Variants in DAB1 observed in about 807,000 individuals in gnomAD.
The protein encoded by DAB1 is disabled homolog 1.
In DAB1, 15 loss-of-function variants were observed where a neutral mutation model predicts 64.6. That is an observed-to-expected ratio of 0.23 (90% CI 0.16 to 0.36). The LOEUF (loss-of-function observed/expected upper bound fraction) is 0.36, where lower values mean the gene tolerates loss of function less well. Ranked by LOEUF, DAB1 falls within the 10% of genes least tolerant of loss-of-function variation. DAB1 has a pLI of 1.00. For missense variants in DAB1, 596 were observed against 706.7 expected, an observed-to-expected ratio of 0.84 and a Z score of 1.78; for synonymous variants, 235 against 251.9, an observed-to-expected ratio of 0.93 and a Z score of 0.64.
intron 1 of DAB1, among the ~76,000 whole-genome samples, chr1:57,370,077 T>C (rs1363902940): frequency 2.0e-5 from 3 of 152,136 alleles, no homozygotes; most frequent in Admixed American, 2.0e-4. Flanking sequence ...GAACCTTCAC[T>C]GACAGTCCCC....
intron 9 of DAB1, among the ~76,000 whole-genome samples, chr1:57,040,925 C>T (rs1038943299): frequency 2.0e-5 from 3 of 152,190 alleles, no homozygotes; most frequent in Non-Finnish European, 2.9e-5. Flanking sequence ...GGGAACTTCT[C>T]AGAGTCAGTC....
chr1:57,640,613 C>G (rs1646116924), intron 7 of DAB1, among the ~76,000 whole-genome samples: 1 of 152,126 alleles, frequency 6.6e-6, no homozygotes, highest in African/African-American at 2.4e-5. Context: ...TTCCCTTGTT[C>G]TAATCAATCC....
At chr1:57,140,270 GT>G (rs1215960348) in intron 3 of DAB1, among the ~76,000 whole-genome samples, 6 of 152,142 alleles carry the variant, frequency 3.9e-5, no homozygotes, top group Non-Finnish European at 8.8e-5. Context: ...TATGCTAGAG[GT>G]TCTCTTACCC....
chr1:58,061,568 C>T (rs1648506441), intron 5 of DAB1, among the ~76,000 whole-genome samples: 1 of 152,140 alleles, frequency 6.6e-6, no homozygotes. Context: ...TAGAACCACC[C>T]CCCAACAATG....
At chr1:58,000,757 G>T (rs1052923487) in intron 5 of DAB1, among the ~76,000 whole-genome samples, 3 of 151,674 alleles carry the variant, frequency 2.0e-5, no homozygotes, top group Non-Finnish European at 4.4e-5. Context: ...TTTTAGTAGG[G>T]TCGGGGTTTC....
intron 4 of DAB1, among the ~76,000 whole-genome samples, chr1:58,317,563 GC>G (rs1319383988): frequency 6.6e-6 from 1 of 152,332 alleles, no homozygotes; most frequent in Middle Eastern, 3.4e-3. Flanking sequence ...GAACATTGGT[GC>G]CCCCCTGGCT....
At chr1:58,464,537 T>A (rs943732415) in intron 3 of DAB1, among the ~76,000 whole-genome samples, 1 of 152,232 alleles carries the variant, frequency 6.6e-6, no homozygotes, top group Non-Finnish European at 1.5e-5. Flanking sequence ...GACTTGTGTT[T>A]AAGCCTGAAC....
chr1:57,133,946 C>T (rs1657851702), intron 4 of DAB1, among the ~76,000 whole-genome samples: 1 of 152,122 alleles, frequency 6.6e-6, no homozygotes, highest in Admixed American at 6.6e-5. Context: ...TCATAATTTC[C>T]AGTAGAGATT....
chr1:58,050,370 T>C (rs1647560545), intron 5 of DAB1, among the ~76,000 whole-genome samples: 1 of 152,046 alleles, frequency 6.6e-6, no homozygotes, highest in Non-Finnish European at 1.5e-5. Flanking sequence ...TCAGTTATGG[T>C]GGGGAGAACA....
intron 8 of DAB1, 152 bp from the exon 9 acceptor site, chr1:57,063,095 A>G (rs1359595658): frequency 1.5e-6 from 1 of 662,868 alleles, no homozygotes; most frequent in South Asian, 1.9e-5. Flanking sequence ...TTGTGAAAGT[A>G]TCAAGCCAGG....
At chr1:57,353,595 T>G (rs11590708) in intron 1 of DAB1, among the ~76,000 whole-genome samples, 76,014 of 152,052 alleles carry the variant, frequency 0.5, 19,730 homozygotes, top group African/African-American at 0.55. Context: ...AGCATTCACT[T>G]CTATCTCATT....
intron 7 of DAB1, among the ~76,000 whole-genome samples, chr1:57,611,220 A>G (rs570046931): frequency 6.9e-6 from 1 of 145,938 alleles, no homozygotes; most frequent in Non-Finnish European, 1.5e-5. Flanking sequence ...GTCTCCAGGT[A>G]GACTCCAAGA....
At chr1:58,198,742 G>A (rs776728577) in intron 4 of DAB1, among the ~76,000 whole-genome samples, 1 of 152,160 alleles carries the variant, frequency 6.6e-6, no homozygotes, top group Non-Finnish European at 1.5e-5. Context: ...TCCATTGAGA[G>A]GCAGAACTTT....
At chr1:57,554,325 G>A (rs565790951) in intron 7 of DAB1, among the ~76,000 whole-genome samples, 1 of 152,186 alleles carries the variant, frequency 6.6e-6, no homozygotes, top group African/African-American at 2.4e-5. Context: ...TGTAAGCTGC[G>A]AAAGTCGCTT....
chr1:57,347,242 G>A (rs1037525729), intron 1 of DAB1, among the ~76,000 whole-genome samples: 1 of 152,136 alleles, frequency 6.6e-6, no homozygotes, highest in Non-Finnish European at 1.5e-5. Context: ...CATTTCTCAC[G>A]GCCCAAACAT....
intron 1 of DAB1, among the ~76,000 whole-genome samples, chr1:57,333,204 C>T (rs1332938242): frequency 3.3e-5 from 5 of 152,202 alleles, no homozygotes; most frequent in Non-Finnish European, 7.3e-5. Flanking sequence ...GAGGCAGGAA[C>T]TTTGCCTGTT....
intron 5 of DAB1, among the ~76,000 whole-genome samples, chr1:58,124,764 T>A (rs1472741903): frequency 6.6e-6 from 1 of 152,208 alleles, no homozygotes; most frequent in African/African-American, 2.4e-5. Context: ...TTCTGAGCCT[T>A]ATTTTCCTTA....
chr1:57,567,760 C>T (rs1377626983), intron 7 of DAB1, among the ~76,000 whole-genome samples: 1 of 152,150 alleles, frequency 6.6e-6, no homozygotes, highest in Non-Finnish European at 1.5e-5. Context: ...CAAACCACTG[C>T]TCAACGAAAT....
chr1:57,149,537 T>C (rs190037112), intron 2 of DAB1, among the ~76,000 whole-genome samples: 14 of 152,288 alleles, frequency 9.2e-5, no homozygotes, highest in South Asian at 4.1e-4. Flanking sequence ...TAGTAGGTGT[T>C]AAGTGATATT....
Sources: gnomAD v4.1 joint callset for allele counts (sites outside exome capture counted in the v4.1 genomes callset) on GRCh38, gnomAD v4.1.1 for gene constraint, MANE v1.5 for transcripts, NCBI Gene and HGNC (gene_info 2026-07-23, HGNC 2026-07-21) for gene names.